Variants in ARL13A observed in about 807,000 individuals in gnomAD.
ARL13A encodes ADP-ribosylation factor-like protein 13A.
In ARL13A, 16 loss-of-function variants were observed where a neutral mutation model predicts 19.1. That is an observed-to-expected ratio of 0.84 (90% CI 0.57 to 1.27). ARL13A has a LOEUF of 1.27. Ranked by LOEUF, ARL13A falls within the 50% of genes most tolerant of loss-of-function variation. The pLI is 0.00. For missense variants in ARL13A, 153 were observed against 186.4 expected (o/e 0.82, Z 1.04); for synonymous variants, 69 against 71.3 (o/e 0.97, Z 0.17).
rs373228339 is a variant in ARL13A, at chrX:100,984,045, C to T, written c.131-1622C>T. ...ATGTGGGAAGAGAGCTAGGCTAGAA[C>T]GGTCAGTTCAACAGACTGGAACGCA... On this transcript the variant is annotated intron_variant, in intron 3 of 7. Transcript: ENST00000450049. Among the ~76,000 whole-genome samples the T allele has an allele frequency of 2.1e-4, 23 of 110,653 alleles. No individual in the cohort carries two copies. In the South Asian group the frequency reaches 5.8e-3, roughly 28 times the overall value.
At chrX:100,971,482 T>C (rs1435668148) in intron 1 of ARL13A, among the ~76,000 whole-genome samples, 5 of 99,453 alleles carry the variant, frequency 5.0e-5, no homozygotes, top group Admixed American at 2.2e-4. Flanking sequence ...CTGTGTAGTC[T>C]GCTATACTAA....
rs1569463486 is a variant in ARL13A, at chrX:100,987,378, C to T, written c.487-12C>T. ...CTCCAGGTCTGCAGCCTTCTCTTCTCTTTTGTCACAGGAGCCATGTTCAGC... is the reference window on the plus strand; with the variant it reads ...CTCCAGGTCTGCAGCCTTCTCTTCTTTTTTGTCACAGGAGCCATGTTCAGC... On this transcript the variant is annotated splice_polypyrimidine_tract_variant and intron_variant, in intron 5 of 7. Coordinates refer to ENST00000450049, the MANE Select transcript of ARL13A (RefSeq NM_001162491.2). 1 of 1,208,562 alleles carries T rather than the reference C, an allele frequency of 8.3e-7. No homozygotes were observed. Among genetic ancestry groups the T allele is most frequent in the South Asian group, 1.8e-5 (1 of 56,598 alleles).
chrX:100,982,948 C>T (rs1752783881), intron 3 of ARL13A, among the ~76,000 whole-genome samples: 1 of 110,277 alleles, frequency 9.1e-6, no homozygotes, highest in Non-Finnish European at 1.9e-5. Flanking sequence ...ATAGGGAGTT[C>T]ATTAAACATG....
chrX:100,977,980 A>C (rs753938485), intron 3 of ARL13A, among the ~76,000 whole-genome samples: 6 of 112,224 alleles, frequency 5.3e-5, no homozygotes, highest in Admixed American at 9.4e-5. Context: ...GACACCAGAT[A>C]TCTCTTCAAC....
At chrX:100,987,306 C>T in intron 5 of ARL13A, 84 bp from the exon 6 acceptor site, 3 of 998,788 alleles carry the variant, frequency 3.0e-6, no homozygotes, top group Non-Finnish European at 2.7e-6. Flanking sequence ...TGTTCCTTCA[C>T]TCTTTGAATG....
At chrX:100,983,173 A>G (rs2050093091) in intron 3 of ARL13A, among the ~76,000 whole-genome samples, 1 of 111,051 alleles carries the variant, frequency 9.0e-6, no homozygotes, top group African/African-American at 3.3e-5. Flanking sequence ...TTGTCAGGGA[A>G]CAACCGCTCA....
At chrX:100,972,514 G>A (rs1447609114) in intron 1 of ARL13A, among the ~76,000 whole-genome samples, 12 of 86,252 alleles carry the variant, frequency 1.4e-4, no homozygotes, top group Non-Finnish European at 2.1e-4. Flanking sequence ...CCTCCCGGAC[G>A]GGGCGGCTGG....
chrX:100,970,191 A>G (rs2147956176), intron 1 of ARL13A, among the ~76,000 whole-genome samples: 1 of 112,782 alleles, frequency 8.9e-6, no homozygotes, highest in South Asian at 3.7e-4. Flanking sequence ...TATCAGCTTC[A>G]TGTGCAAAAC....
intron 3 of ARL13A, 140 bp downstream of exon 3, chrX:100,974,337 G>A (rs755738167): frequency 1.4e-4 from 60 of 432,824 alleles, no homozygotes; most frequent in East Asian, 2.8e-4. Flanking sequence ...TAACACACAC[G>A]CACACACACA....
intron 3 of ARL13A, among the ~76,000 whole-genome samples, chrX:100,978,692 AAT>A (rs2085806587): frequency 9.1e-6 from 1 of 109,504 alleles, no homozygotes; most frequent in Non-Finnish European, 1.9e-5. Flanking sequence ...ATTTATATTC[AAT>A]GTTATTATTA....
intron 3 of ARL13A, among the ~76,000 whole-genome samples, chrX:100,974,699 C>T (rs2085734487): frequency 1.8e-5 from 2 of 111,285 alleles, no homozygotes; most frequent in East Asian, 2.8e-4. Context: ...TCGTCAGTTC[C>T]GATATGTCCA....
intron 1 of ARL13A, among the ~76,000 whole-genome samples, chrX:100,973,423 G>A (rs1409817229): frequency 2.8e-5 from 3 of 105,587 alleles, no homozygotes; most frequent in Non-Finnish European, 5.9e-5. Flanking sequence ...CTGCCTCCCG[G>A]GCGGCGCTCG....
chrX:100,979,469 C>G (rs780247133), intron 3 of ARL13A, among the ~76,000 whole-genome samples: 6 of 111,919 alleles, frequency 5.4e-5, no homozygotes, highest in Admixed American at 3.8e-4. Context: ...TTATTTCAAT[C>G]TTTGTTAAAC....
At chrX:100,978,401 A>G (rs925538107) in intron 3 of ARL13A, among the ~76,000 whole-genome samples, 3 of 111,622 alleles carry the variant, frequency 2.7e-5, no homozygotes, top group Non-Finnish European at 5.6e-5. Flanking sequence ...TGTTGGGTGC[A>G]TATATAATTG....
At position 100,974,138 on chromosome X, in the gene ARL13A, T is replaced by C. The variant is rs750878685; in HGVS notation, c.71T>C (p.Ile24Thr). 3.9e-5 allele frequency: 46 copies of C among 1,188,866 alleles called. No individual in the cohort carries two copies. The Middle Eastern group carries it at 6.9e-4, about 18-fold the overall frequency. Reference sequence around the variant, plus strand: ...TTTTTCATTTCTAGGAATGTGACCATCCCTATCATTGGCTTGAACAACTCT... The same window carrying C: ...TTTTTCATTTCTAGGAATGTGACCACCCCTATCATTGGCTTGAACAACTCT... ...TTEETRRNVT[I>T]PIIGLNNSGK... Residue 24 changes from isoleucine to threonine, a missense_variant, in exon 3 of 8, where the codon ATC (isoleucine) becomes ACC (threonine). Transcript: ENST00000450049.
At chrX:100,988,851 CATATAT>C (rs55947893) in intron 7 of ARL13A, among the ~76,000 whole-genome samples, 4,482 of 79,620 alleles carry the variant, frequency 0.056, 106 homozygotes, top group South Asian at 0.091. Context: ...TAATATATCT[CATATAT>C]ATATATATAT....
intron 3 of ARL13A, 74 bp from the exon 4 acceptor site, chrX:100,985,593 C>T (rs776648787): frequency 2.9e-5 from 32 of 1,114,312 alleles, no homozygotes; most frequent in African/African-American, 1.3e-4. Context: ...AAATCGGAAC[C>T]GACTCTACTC....
At chrX:100,986,058 T>G (rs1052786715) in intron 4 of ARL13A, 142 bp downstream of exon 4, 1 of 711,158 alleles carries the variant, frequency 1.4e-6, no homozygotes, top group Admixed American at 4.1e-5. Context: ...GCGGCCCAAT[T>G]TTCTGAGGTT....
intron 3 of ARL13A, among the ~76,000 whole-genome samples, chrX:100,978,598 T>C (rs1301136378): frequency 2.7e-5 from 3 of 111,274 alleles, no homozygotes; most frequent in African/African-American, 9.8e-5. Context: ...AGATGAAGTG[T>C]GTTTCTTGTA....
Sources: allele counts gnomAD v4.1 joint callset (sites outside exome capture counted in the v4.1 genomes callset), GRCh38; gene constraint gnomAD v4.1.1; transcripts MANE v1.5; gene names NCBI Gene and HGNC (gene_info 2026-07-23, HGNC 2026-07-21).